Variants in TANC2 observed in about 807,000 individuals in gnomAD.
TANC2 encodes tetratricopeptide repeat, ankyrin repeat and coiled-coil containing 2, also known as protein TANC2.
A neutral mutation model predicts 210.5 loss-of-function variants in TANC2; 26 were observed. That is an observed-to-expected ratio of 0.12 (90% CI 0.09 to 0.17). The LOEUF (loss-of-function observed/expected upper bound fraction) is 0.17. Among genes scored for constraint, TANC2 ranks in the 10% least tolerant of loss-of-function variants. TANC2 has a pLI of 1.00. For synonymous variants in TANC2, 931 were observed against 967.1 expected, an observed-to-expected ratio of 0.96 and a Z score of 0.69; for missense variants, 2,129 against 2,608.9, an observed-to-expected ratio of 0.82 and a Z score of 4.01.
chr17:63,317,868 T>C (rs1390088051), intron 10 of TANC2, among the ~76,000 whole-genome samples: 3 of 152,200 alleles, frequency 2.0e-5, no homozygotes, highest in Admixed American at 1.3e-4. Flanking sequence ...GGACAGTAAT[T>C]ACCCACAAAA....
At chr17:63,169,471 T>C (rs1351541735) in intron 5 of TANC2, among the ~76,000 whole-genome samples, 1 of 152,162 alleles carries the variant, frequency 6.6e-6, no homozygotes, top group Non-Finnish European at 1.5e-5. Context: ...CTAAATTCCA[T>C]CTTCTCCCTG....
intron 1 of TANC2, 115 bp from the exon 2 acceptor site, chr17:63,009,422 G>A: frequency 1.6e-6 from 1 of 638,390 alleles, no homozygotes; most frequent in Non-Finnish European, 2.7e-6. Flanking sequence ...GTGGCAAACA[G>A]TCCAGTTGTA....
intron 12 of TANC2, among the ~76,000 whole-genome samples, chr17:63,340,769 A>T (rs957974639): frequency 6.6e-6 from 1 of 152,358 alleles, no homozygotes; most frequent in Admixed American, 6.5e-5. Context: ...ATGGTTACAC[A>T]ATGCTCTGTA....
intron 4 of TANC2, among the ~76,000 whole-genome samples, chr17:63,130,488 G>A (rs1214752244): frequency 2.6e-5 from 4 of 151,586 alleles, no homozygotes; most frequent in East Asian, 1.9e-4. Context: ...CTCCAGCCTC[G>A]GTGACAGAGT....
chr17:63,123,248 G>C lies in TANC2; in HGVS notation c.322+23891G>C, dbSNP rs151246418. Among the ~76,000 whole-genome samples, 77 of 152,198 alleles carry C rather than the reference G, an allele frequency of 5.1e-4. 1 individual carries two copies. Among genetic ancestry groups the C allele is most frequent in the African/African-American group, 1.7e-3 (69 of 41,550 alleles). On this transcript the variant is annotated intron_variant, in intron 4 of 27. Coordinates refer to ENST00000689528, the Ensembl canonical transcript of TANC2. ...GATTGATAGACATTGAGTTCAGGGT[G>C]GTAGGACGATATAAGAGGGGAAATG...
chr17:63,306,209 A>G (rs957429729), intron 9 of TANC2, among the ~76,000 whole-genome samples: 1 of 152,228 alleles, frequency 6.6e-6, no homozygotes, highest in African/African-American at 2.4e-5. Context: ...GAGGTAACTG[A>G]TACAAGAGAT....
intron 12 of TANC2, 48 bp downstream of exon 12, chr17:63,340,380 A>G (rs1341828268): frequency 1.0e-5 from 15 of 1,491,354 alleles, no homozygotes; most frequent in South Asian, 2.3e-5. Context: ...TTAGAGCCCA[A>G]GTTCACCCGG....
chr17:63,284,246 A>T (rs1249333427), intron 9 of TANC2, among the ~76,000 whole-genome samples: 1 of 152,026 alleles, frequency 6.6e-6, no homozygotes, highest in African/African-American at 2.4e-5. Flanking sequence ...ATTGCAAATC[A>T]CATTGATTGA....
intron 4 of TANC2, among the ~76,000 whole-genome samples, chr17:63,109,739 T>C (rs1567729565): frequency 6.6e-6 from 1 of 151,786 alleles, no homozygotes; most frequent in South Asian, 2.1e-4. Flanking sequence ...GTGAACACTT[T>C]CAGTGATAGT....
At position 63,146,273 on chromosome 17, in the gene TANC2, C is replaced by T. The variant is rs548235111; in HGVS notation, c.323-4997C>T. ...TTGATTATGTATCCTGCAACTTTAC[C>T]GAATTTATTAGTTCCAGCAGGTATT... is the stretch of plus-strand genomic sequence containing the variant. On this transcript the variant is annotated intron_variant, in intron 4 of 27. Transcript: ENST00000689528. Among the ~76,000 whole-genome samples, 8 of 151,808 alleles carry T rather than the reference C, an allele frequency of 5.3e-5. No homozygotes were observed. The South Asian group carries it at 1.2e-3, about 24-fold the overall frequency.
intron 11 of TANC2, among the ~76,000 whole-genome samples, chr17:63,327,891 A>G (rs1449832854): frequency 6.6e-6 from 1 of 152,132 alleles, no homozygotes; most frequent in Non-Finnish European, 1.5e-5. Context: ...ATCATTTAGC[A>G]TTAGGTATAA....
chr17:63,355,343 T>C (rs1174950692), exon 14 of TANC2: 16 of 1,607,248 alleles, frequency 1.0e-5, no homozygotes, highest in Non-Finnish European at 1.3e-5. Flanking sequence ...GAGAATGGCT[T>C]ATCTGGAGAG....
chr17:63,065,864 T>G (rs757045167), intron 2 of TANC2, among the ~76,000 whole-genome samples: 22 of 152,200 alleles, frequency 1.4e-4, no homozygotes, highest in Admixed American at 4.6e-4. Flanking sequence ...CTCTGTTGAT[T>G]GTTTTCTTTG....
intron 21 of TANC2, among the ~76,000 whole-genome samples, chr17:63,408,227 G>T (rs1020315807): frequency 1.3e-5 from 2 of 152,178 alleles, no homozygotes; most frequent in Admixed American, 6.5e-5. Context: ...AGGTATTTTG[G>T]ATATGAAGCC....
intron 7 of TANC2, among the ~76,000 whole-genome samples, chr17:63,205,342 G>A (rs1355362787): frequency 1.5e-4 from 3 of 19,834 alleles, no homozygotes; most frequent in African/African-American, 7.5e-4. Flanking sequence ...TAACCAAGGA[G>A]GCAAAAAAAA....
Position 63,397,461 on chromosome 17 carries a change from G to A in TANC2, c.3238-1360G>A, listed in dbSNP as rs145563485. Among the ~76,000 whole-genome samples, 12 of 152,298 alleles carry A rather than the reference G, an allele frequency of 7.9e-5. No homozygotes were observed. In the East Asian group the frequency reaches 2.3e-3, roughly 29 times the overall value. On this transcript the variant is annotated intron_variant, in intron 18 of 27. Coordinates refer to ENST00000689528, the Ensembl canonical transcript of TANC2. ...CCAGTTTGCTCTTTTCTCAATAACT[G>A]TATTGCCGTTAAATCTGATATGTGA...
intron 19 of TANC2, among the ~76,000 whole-genome samples, chr17:63,402,495 G>GA (rs1426221036): frequency 2.6e-5 from 4 of 151,970 alleles, no homozygotes; most frequent in Non-Finnish European, 5.9e-5. Context: ...CCTCCTACCC[G>GA]ACCCCTTGAT....
intron 17 of TANC2, among the ~76,000 whole-genome samples, chr17:63,392,326 T>C (rs1213699472): frequency 1.3e-5 from 2 of 152,234 alleles, no homozygotes; most frequent in African/African-American, 4.8e-5. Context: ...GTTCCTCAGA[T>C]CCAGCTTTCT....
At chr17:63,407,203 TC>T (rs530105883) in intron 21 of TANC2, among the ~76,000 whole-genome samples, 114 of 152,342 alleles carry the variant, frequency 7.5e-4, no homozygotes, top group Non-Finnish European at 1.5e-3. Flanking sequence ...AAGATTTTTT[TC>T]CACAGACTCA....
Sources: allele counts gnomAD v4.1 joint callset (sites outside exome capture counted in the v4.1 genomes callset), GRCh38; gene constraint gnomAD v4.1.1; transcripts MANE v1.5; gene names NCBI Gene and HGNC (gene_info 2026-07-23, HGNC 2026-07-21).